Variants in RALGDS observed in about 807,000 individuals in gnomAD.
RALGDS encodes ral guanine nucleotide dissociation stimulator, also known as ral guanine nucleotide exchange factor.
A neutral mutation model predicts 99.8 loss-of-function variants in RALGDS; 44 were observed. The ratio of observed to expected loss-of-function variants is 0.44; its 90% CI spans 0.35 to 0.57. RALGDS has a LOEUF of 0.57. Ranked by LOEUF, RALGDS falls within the 20% of genes least tolerant of loss-of-function variation. RALGDS has a pLI of 0.01. For synonymous variants in RALGDS, 529 were observed against 505.0 expected (o/e 1.05, Z -0.64); for missense variants, 1,022 against 1,203.1 (o/e 0.85, Z 2.23).
chr9:133,104,550 G>A (rs530907819), intron 9 of RALGDS: 19 of 569,374 alleles, frequency 3.3e-5, no homozygotes, highest in Admixed American at 2.1e-4. Flanking sequence ...GGTGGCTCAC[G>A]CCTGTAATCC....
At chr9:133,118,507 G>A (rs1412041968) in intron 1 of RALGDS, among the ~76,000 whole-genome samples, 1 of 152,178 alleles carries the variant, frequency 6.6e-6, no homozygotes, top group African/African-American at 2.4e-5. Flanking sequence ...GACTTTATCT[G>A]TCAAGTGAGC....
rs1418603060 is a variant in RALGDS, at chr9:133,102,049, G to A, written c.2100C>T (p.Ser700=). Residue 700 remains serine (S), a synonymous_variant, in exon 15 of 18, where the codon AGC becomes AGT. Transcript: ENST00000372050. ...DQLRCGPYLS[S]GDIADALSVH... Reference sequence around the variant, plus strand: ...CGCTGAGCGCGTCAGCGATGTCCCCGCTGCTGAGGTAGGGGCCACACCTGA... The same window carrying A: ...CGCTGAGCGCGTCAGCGATGTCCCCACTGCTGAGGTAGGGGCCACACCTGA... 10 of 1,561,242 alleles carry A rather than the reference G, an allele frequency of 6.4e-6. No homozygotes were observed. In the East Asian group the frequency reaches 1.4e-4, roughly 22 times the overall value.
chr9:133,130,178 G>A (rs1452203726), intron 1 of RALGDS, among the ~76,000 whole-genome samples: 2 of 151,970 alleles, frequency 1.3e-5, no homozygotes, highest in East Asian at 3.9e-4. Context: ...CACTACATTG[G>A]CCAGGCTGGT....
chr9:133,120,421 T>TCCCCCCCC (rs1564244935), intron 1 of RALGDS, among the ~76,000 whole-genome samples: 1 of 64,718 alleles, frequency 1.5e-5, no homozygotes, highest in Non-Finnish European at 3.3e-5. Flanking sequence ...CTCCACCCCA[T>TCCCCCCCC]CCCCCGACCC....
intron 8 of RALGDS, 67 bp from the exon 9 acceptor site, chr9:133,106,083 G>C (rs979598168): frequency 2.3e-6 from 3 of 1,296,548 alleles, no homozygotes; most frequent in Admixed American, 1.8e-5. Flanking sequence ...GTGCAAATCC[G>C]TTTTATTTTA....
chr9:133,132,536 G>T (rs1327688352), upstream of RALGDS, among the ~76,000 whole-genome samples: 1 of 152,186 alleles, frequency 6.6e-6, no homozygotes, highest in Non-Finnish European at 1.5e-5. Flanking sequence ...GCCTAGCCCC[G>T]TAGAAGGGCT....
Position 133,112,057 on chromosome 9 carries a change from C to T in RALGDS, c.279G>A (p.Gly93=), listed in dbSNP as rs1441511330. 6.3e-7 allele frequency: 1 copy of T among 1,579,906 alleles called. No individual in the cohort carries two copies. ...GCGCACTCACCCCGAGCCAGCGCTG[C>T]CCCTTGTTGCCTCCGTGGTGCAGCT... The part of the protein sequence containing the change: ...KVQLHHGGNK[G]QRWLGYENES... Residue 93 remains glycine, a synonymous_variant, in exon 2 of 18, where the codon GGG becomes GGA. Transcript: ENST00000372050.
At position 133,121,219 on chromosome 9, in the gene RALGDS, G is replaced by T. The variant is rs1180799459; in HGVS notation, c.-65C>A. The T allele has an allele frequency of 1.0e-6, 1 of 977,218 alleles. No homozygotes were observed. Among genetic ancestry groups the T allele is most frequent in the Non-Finnish European group, 1.2e-6 (1 of 823,836 alleles). 60.5% of individuals were successfully genotyped at this position (977,218 alleles called of 1,614,324 possible). ...CGGCGGGGGCGGCGGCGCGGCCCGC[G>T]CGGCTGGGCTTTGCCACCGCTGTGA... On this transcript the variant is annotated 5_prime_UTR_variant, in exon 1 of 18. Transcript: ENST00000372050.
intron 1 of RALGDS, among the ~76,000 whole-genome samples, chr9:133,142,558 C>T (rs991228588): frequency 2.6e-5 from 4 of 152,170 alleles, no homozygotes; most frequent in African/African-American, 9.7e-5. Context: ...GTTCCCTTTC[C>T]TCTCCACTTC....
intron 1 of RALGDS, among the ~76,000 whole-genome samples, chr9:133,119,521 T>TC (rs1450887510): frequency 3.3e-5 from 5 of 151,984 alleles, no homozygotes. Context: ...GGGGTGGGGC[T>TC]CAGCTCTGCC....
At chr9:133,103,145 A>T in intron 12 of RALGDS, 85 bp downstream of exon 12, 1 of 1,540,976 alleles carries the variant, frequency 6.5e-7, no homozygotes, top group Non-Finnish European at 9.0e-7. Context: ...CATGAATCTA[A>T]GGAGAGGGTA....
intron 1 of RALGDS, among the ~76,000 whole-genome samples, chr9:133,119,985 C>T (rs571596716): frequency 4.6e-5 from 7 of 152,304 alleles, no homozygotes; most frequent in Non-Finnish European, 7.4e-5. Flanking sequence ...AACACGATGC[C>T]GCACGGGGAC....
chr9:133,104,178 T>G, intron 10 of RALGDS, 85 bp downstream of exon 10: 1 of 1,404,070 alleles, frequency 7.1e-7, no homozygotes, highest in Non-Finnish European at 1.0e-6. Flanking sequence ...ATGGGGCCCA[T>G]AGGCACCGTG....
intron 1 of RALGDS, among the ~76,000 whole-genome samples, chr9:133,145,866 G>C (rs1234063279): frequency 6.6e-6 from 1 of 152,202 alleles, no homozygotes; most frequent in Non-Finnish European, 1.5e-5. Context: ...CACAGACTTA[G>C]AGATGGAAGG....
At chr9:133,134,811 G>A (rs1832399081), upstream of RALGDS, among the ~76,000 whole-genome samples, 1 of 152,120 alleles carries the variant, frequency 6.6e-6, no homozygotes. Context: ...GCCAATGCGG[G>A]TATCATTTCA....
At chr9:133,143,364 C>T (rs1006146335) in intron 1 of RALGDS, among the ~76,000 whole-genome samples, 6 of 152,220 alleles carry the variant, frequency 3.9e-5, no homozygotes, top group Non-Finnish European at 8.8e-5. Flanking sequence ...ATCGCTGAAC[C>T]AACTGTCAAG....
At chr9:133,113,568 A>G (rs1385871781) in intron 1 of RALGDS, among the ~76,000 whole-genome samples, 1 of 152,142 alleles carries the variant, frequency 6.6e-6, no homozygotes, top group Non-Finnish European at 1.5e-5. Flanking sequence ...CCCCACAAAC[A>G]GCCCCGCCAG....
intron 17 of RALGDS, chr9:133,100,016 C>A: frequency 1.8e-6 from 1 of 564,120 alleles, no homozygotes; most frequent in East Asian, 3.0e-5. Context: ...GTGAAAAATG[C>A]CTTTTCTCTT....
chr9:133,101,446 G>GGGAT, intron 16 of RALGDS, 74 bp downstream of exon 16: 1 of 1,603,614 alleles, frequency 6.2e-7, no homozygotes, highest in Non-Finnish European at 8.5e-7. Context: ...CGGGAGGGCA[G>GGGAT]GGATGGTGCA....
Sources: allele counts gnomAD v4.1 joint callset (sites outside exome capture counted in the v4.1 genomes callset), GRCh38; gene constraint gnomAD v4.1.1; transcripts MANE v1.5; gene names NCBI Gene and HGNC (gene_info 2026-07-23, HGNC 2026-07-21).